The following MSN variants were observed in gnomAD, a reference collection of about 807,000 sequenced individuals.
The protein encoded by MSN is epididymis luminal protein 70.
In MSN, 2 loss-of-function variants were observed where a neutral mutation model predicts 48.0. The observed-to-expected ratio is 0.04, with a 90% confidence interval of 0.02 to 0.13. The LOEUF (loss-of-function observed/expected upper bound fraction) is 0.13, where lower values mean the gene tolerates loss of function less well. Among genes scored for constraint, MSN ranks in the 10% least tolerant of loss-of-function variants. The probability of loss-of-function intolerance (pLI) is 1.00; values close to 1 mark genes in which losing one functional copy is unlikely to be tolerated. For synonymous variants in MSN, 146 were observed against 166.9 expected (o/e 0.87, Z 0.97); for missense variants, 267 against 470.1 (o/e 0.57, Z 3.99).
intron 1 of MSN, among the ~76,000 whole-genome samples, chrX:65,628,273 A>G (rs2070524959): frequency 8.8e-6 from 1 of 113,065 alleles, no homozygotes; most frequent in South Asian, 3.6e-4. Context: ...GCTCCGCCCC[A>G]GCAGCAAACT....
At chrX:65,719,725 G>A (rs1383471612) in intron 2 of MSN, among the ~76,000 whole-genome samples, 1 of 111,302 alleles carries the variant, frequency 9.0e-6, no homozygotes, top group Non-Finnish European at 1.9e-5. Flanking sequence ...CCTTCCAAGA[G>A]CCCTGATTCT....
Position 65,641,550 on chromosome X carries a change from GTATATATATATATATATATATATATATA to G in MSN, c.-22+52962_-22+52989del, listed in dbSNP as rs1168302693. Among the ~76,000 whole-genome samples, 42 of 15,391 alleles carry G rather than the reference GTATATATATATATATATATATATATATA, an allele frequency of 2.7e-3. 1 individual carries two copies. In the South Asian group the frequency reaches 0.039, roughly 14 times the overall value. The allele number at this position is 15,391 out of a possible 115,157, so 13.4% of individuals were successfully genotyped here. A position where few individuals can be genotyped will look rare whatever the true frequency, so the allele number is the denominator to read the frequency against. On this transcript the variant is annotated intron_variant, in intron 1 of 3. Coordinates refer to the MSN transcript ENST00000609672. Reference sequence around the variant, plus strand: ...GTCTCAAAAAAAAAAAAAAAGTGAAGTATATATATATATATATATATATATATATATATATATATATATATATATATTT... The same window carrying G: ...GTCTCAAAAAAAAAAAAAAAGTGAAGTATATATATATATATATATATATTT...
chrX:65,667,449 TG>T (rs1269754177), upstream of MSN, among the ~76,000 whole-genome samples: 7 of 83,520 alleles, frequency 8.4e-5, no homozygotes, highest in African/African-American at 2.7e-4. Context: ...AGGAGCCGGG[TG>T]GGTCTGGGTG....
intron 1 of MSN, among the ~76,000 whole-genome samples, chrX:65,693,480 T>C (rs1396639671): frequency 2.7e-5 from 3 of 111,802 alleles, no homozygotes; most frequent in African/African-American, 9.8e-5. Flanking sequence ...GACTAAAGAA[T>C]ATTTATGAGT....
intron 1 of MSN, among the ~76,000 whole-genome samples, chrX:65,705,161 C>T (rs1193851779): frequency 9.0e-6 from 1 of 111,296 alleles, no homozygotes; most frequent in East Asian, 2.8e-4. Context: ...ACCTCAGTTT[C>T]CCCAGCTGTA....
At chrX:65,738,310 G>T (rs1340152762) in intron 10 of MSN, among the ~76,000 whole-genome samples, 1 of 111,947 alleles carries the variant, frequency 8.9e-6, no homozygotes, top group Non-Finnish European at 1.9e-5. Context: ...GTCTTCAAGA[G>T]GCCTACAGTC....
At chrX:65,673,909 G>A (rs974504437) in intron 1 of MSN, among the ~76,000 whole-genome samples, 1 of 111,547 alleles carries the variant, frequency 9.0e-6, no homozygotes, top group Non-Finnish European at 1.9e-5. Context: ...GATGGTGAAT[G>A]CCTACCTTCT....
chrX:65,686,977 T>C (rs1382875680), intron 1 of MSN, among the ~76,000 whole-genome samples: 2 of 112,347 alleles, frequency 1.8e-5, no homozygotes, highest in Non-Finnish European at 3.8e-5. Flanking sequence ...TTCACTTCTG[T>C]GATACAGCTC....
At chrX:65,736,677 C>T in intron 8 of MSN, 118 bp from the exon 9 acceptor site, 1 of 783,441 alleles carries the variant, frequency 1.3e-6, no homozygotes, top group Admixed American at 3.6e-5. Context: ...ACCTCGTGAT[C>T]TGCCCACCTC....
chrX:65,737,309 C>G lies in MSN; in HGVS notation c.1222C>G (p.Arg408Gly), dbSNP rs748200741. 1.8e-5 allele frequency: 22 copies of G among 1,208,243 alleles called. No individual in the cohort carries two copies. The highest frequency in any genetic ancestry group is 3.5e-5 in the South Asian group (2 of 56,508). The change falls in exon 10 of 13, where the codon CGG (arginine) becomes GGG (glycine). Residue 408 changes from arginine (R) to glycine (G), a missense_variant. Arg to Gly is a moderately radical substitution (Grantham distance 125, BLOSUM62 -2). This residue lies in a region of MSN where 70 missense variants were observed against 76.3 expected (regional missense o/e 0.92). Transcript: ENST00000360270. ...EAKEALLQAS[R>G]DQKKTQEQLA... ...CAAGGAGGCCTTGCTGCAGGCCTCC[C>G]GGGACCAGAAAAAGACTCAGGAACA...
intron 2 of MSN, among the ~76,000 whole-genome samples, chrX:65,719,872 C>A (rs2071500506): frequency 9.0e-6 from 1 of 111,475 alleles, no homozygotes; most frequent in Admixed American, 9.6e-5. Flanking sequence ...CAGAAAAATT[C>A]TTGAACAAAG....
intron 10 of MSN, among the ~76,000 whole-genome samples, 172 bp downstream of exon 10, chrX:65,737,510 C>T (rs1267756391): frequency 8.9e-6 from 1 of 112,140 alleles, no homozygotes; most frequent in African/African-American, 3.2e-5. Flanking sequence ...TAGTGTGGCC[C>T]AGAAATTTTT....
chrX:65,646,231 T>C (rs1002545231), intron 1 of MSN, among the ~76,000 whole-genome samples: 1 of 112,027 alleles, frequency 8.9e-6, no homozygotes, highest in Non-Finnish European at 1.9e-5. Context: ...CTGTACTCTA[T>C]TGTTAATAAT....
chrX:65,622,846 A>G (rs780922411), intron 1 of MSN, among the ~76,000 whole-genome samples: 41 of 111,264 alleles, frequency 3.7e-4, no homozygotes, highest in African/African-American at 9.1e-4. Context: ...TAAAGGGGAA[A>G]AGTTTTCAGT....
intron 1 of MSN, among the ~76,000 whole-genome samples, chrX:65,606,254 G>A (rs750934298): frequency 6.6e-4 from 72 of 108,333 alleles, no homozygotes; most frequent in Admixed American, 3.4e-3. Context: ...TCAGCCTCCC[G>A]AGTAGCTGGG....
At chrX:65,727,138 C>G (rs768438168) in intron 2 of MSN, among the ~76,000 whole-genome samples, 1 of 112,101 alleles carries the variant, frequency 8.9e-6, no homozygotes, top group Admixed American at 9.4e-5. Flanking sequence ...CACAGCATGG[C>G]TTCAGAGTCC....
intron 1 of MSN, among the ~76,000 whole-genome samples, chrX:65,621,203 C>T (rs2070441809): frequency 1.8e-5 from 2 of 111,848 alleles, no homozygotes; most frequent in Admixed American, 1.9e-4. Context: ...GCATGAGCCT[C>T]CGTGCCCTGC....
At chrX:65,640,062 T>A (rs180957853) in intron 1 of MSN, among the ~76,000 whole-genome samples, 3 of 110,823 alleles carry the variant, frequency 2.7e-5, no homozygotes, top group Non-Finnish European at 5.6e-5. Flanking sequence ...GTCTTCTTAT[T>A]TTATGGATAA....
At chrX:65,713,001 A>G (rs988226896) in intron 1 of MSN, among the ~76,000 whole-genome samples, 3 of 110,983 alleles carry the variant, frequency 2.7e-5, no homozygotes, top group African/African-American at 9.8e-5. Flanking sequence ...TTTATCTCCA[A>G]TGTGGAGATA....
Sources: allele counts gnomAD v4.1 joint callset (sites outside exome capture counted in the v4.1 genomes callset), GRCh38; gene constraint gnomAD v4.1.1; regional missense constraint gnomAD v4.1.1; transcripts MANE v1.5; gene names NCBI Gene and HGNC (gene_info 2026-07-23, HGNC 2026-07-21).